The following MAPKAPK5 variants were observed in gnomAD, a reference collection of about 807,000 sequenced individuals.
MAPKAPK5 encodes the protein MAP kinase-activated protein kinase 5.
MAPKAPK5 carries 30 observed loss-of-function variants against 65.1 expected under a neutral mutation model. The ratio of observed to expected loss-of-function variants is 0.46; its 90% CI spans 0.34 to 0.63. MAPKAPK5 has a LOEUF of 0.63. MAPKAPK5 is among the 20% of genes least tolerant of loss of function. MAPKAPK5 has a pLI of 0.01. For synonymous variants in MAPKAPK5, 179 were observed against 204.6 expected, an observed-to-expected ratio of 0.87 and a Z score of 1.07; for missense variants, 433 against 581.4, an observed-to-expected ratio of 0.74 and a Z score of 2.63.
chr12:111,859,414 G>A (rs1340956473), intron 1 of MAPKAPK5, among the ~76,000 whole-genome samples: 2 of 151,598 alleles, frequency 1.3e-5, no homozygotes, highest in African/African-American at 4.8e-5. Context: ...GAGTAGCTGG[G>A]ATTACAGGCA....
intron 1 of MAPKAPK5, among the ~76,000 whole-genome samples, chr12:111,863,650 A>C (rs1427272347): frequency 7.0e-6 from 1 of 142,848 alleles, no homozygotes; most frequent in African/African-American, 2.6e-5. Context: ...CTTGTCGCCC[A>C]TGCTGGAGTG....
chr12:111,850,660 G>A lies in MAPKAPK5; in HGVS notation c.36+7891G>A, dbSNP rs11066049. 0.042 allele frequency among the ~76,000 whole-genome samples: 6,424 copies of A among 152,200 alleles called. 1,227 individuals are homozygous for A. The East Asian group carries it at 0.61, about 15-fold the overall frequency. On this transcript the variant is annotated intron_variant, in intron 1 of 13. Coordinates refer to ENST00000550735, the MANE Select transcript of MAPKAPK5 (RefSeq NM_003668.4). Reference sequence around the variant, plus strand: ...TTTTTAATGCAGACAAAAATGCCCTGTTCTGGGGAAAACAATGCCACAAAG... The same window carrying A: ...TTTTTAATGCAGACAAAAATGCCCTATTCTGGGGAAAACAATGCCACAAAG...
At chr12:111,880,416 A>C (rs1226802371) in intron 7 of MAPKAPK5, 31 bp from the exon 8 acceptor site, 26 of 1,578,386 alleles carry the variant, frequency 1.6e-5, no homozygotes, top group Non-Finnish European at 2.0e-5. Flanking sequence ...GATTTTCATT[A>C]AATGGTCCCC....
rs144699203 is a variant in MAPKAPK5 at position 111,872,412 on chromosome 12, T to C, written c.579+1232T>C. ...TGTACATGTGTATTGGCCATTCTGT[T>C]GTAAGTATGGGCATTCATCTTTTGC... On this transcript the variant is annotated intron_variant, in intron 7 of 13. Coordinates refer to ENST00000550735, the MANE Select transcript of MAPKAPK5 (RefSeq NM_003668.4). Among the ~76,000 whole-genome samples, 788 of 152,290 alleles carry C rather than the reference T, an allele frequency of 5.2e-3. 10 individuals carry two copies. The highest frequency in any genetic ancestry group is 0.028 in the South Asian group (135 of 4,820).
In MAPKAPK5 at chr12:111,848,369, A is replaced by G. The variant is rs999125134; in HGVS notation, c.36+5600A>G. ...CTTTTTGTGTGCAGATTTGACATTC[A>G]TGTTTCTTTTCTGGTGAAGGGTCTG... On this transcript the variant is annotated intron_variant, in intron 1 of 13. Transcript: ENST00000550735. Among the ~76,000 whole-genome samples, 13 of 147,030 alleles carry G rather than the reference A, an allele frequency of 8.8e-5. No homozygotes were observed. In the East Asian group the frequency reaches 2.4e-3, roughly 27 times the overall value.
intron 7 of MAPKAPK5, among the ~76,000 whole-genome samples, chr12:111,874,757 C>G (rs1267702269): frequency 1.4e-5 from 2 of 147,252 alleles, no homozygotes; most frequent in Non-Finnish European, 3.0e-5. Context: ...GCCACTGCCC[C>G]CAGCCATACT....
chr12:111,878,540 C>T (rs956065284), intron 7 of MAPKAPK5, among the ~76,000 whole-genome samples: 4 of 152,038 alleles, frequency 2.6e-5, no homozygotes, highest in Admixed American at 2.0e-4. Context: ...CTGCCTCAGC[C>T]TCCCGAGTAG....
At position 111,900,267 on chromosome 12, in the gene MAPKAPK5, G is replaced by A. The variant is rs897285670; in HGVS notation, c.*7206G>A. 6.6e-6 allele frequency: 3 copies of A among 455,924 alleles called. No individual in the cohort carries two copies. Among genetic ancestry groups the A allele is most frequent in the African/African-American group, 2.0e-5 (1 of 50,060 alleles). 28.2% of individuals were successfully genotyped at this position (455,924 alleles called of 1,614,324 possible). On this transcript the variant is annotated 3_prime_UTR_variant, in exon 14 of 14. Coordinates refer to ENST00000550735, the MANE Select transcript of MAPKAPK5 (RefSeq NM_003668.4). ...TCACCCTGGACAGAATATGGGCCAG[G>A]CCTTTCTCAGTGGTGCCTGCTCAAG...
Position 111,871,141 on chromosome 12 carries a change from G to A in MAPKAPK5, c.540G>A (p.Leu180=), listed in dbSNP as rs1342000459. 2 of 1,613,630 alleles carry A rather than the reference G, an allele frequency of 1.2e-6. No homozygotes were observed. Among genetic ancestry groups the A allele is most frequent in the African/African-American group, 1.3e-5 (1 of 74,816 alleles). Residue 180 remains leucine (L), a synonymous_variant, in exon 7 of 14, where the codon TTG becomes TTA. Coordinates refer to ENST00000550735, the MANE Select transcript of MAPKAPK5 (RefSeq NM_003668.4). ...TTGCCAAGATTGACCAAGGTGACTTGATGACACCCCAGTTCACCCCTTATT... is the reference window on the plus strand; with the variant it reads ...TTGCCAAGATTGACCAAGGTGACTTAATGACACCCCAGTTCACCCCTTATT... ...FGFAKIDQGD[L]MTPQFTPYYV...
chr12:111,888,746 T>A, intron 11 of MAPKAPK5, 128 bp downstream of exon 11: 1 of 1,509,014 alleles, frequency 6.6e-7, no homozygotes, highest in Non-Finnish European at 8.9e-7. Flanking sequence ...AGAGGATAAG[T>A]TCTTTAAATA....
intron 3 of MAPKAPK5, among the ~76,000 whole-genome samples, chr12:111,866,828 C>T (rs1188734801): frequency 1.3e-5 from 2 of 152,216 alleles, no homozygotes; most frequent in African/African-American, 2.4e-5. Flanking sequence ...CCTTGAACTC[C>T]TGACCTCAGG....
chr12:111,846,374 C>CT (rs1566217824), intron 1 of MAPKAPK5, among the ~76,000 whole-genome samples: 1 of 152,194 alleles, frequency 6.6e-6, no homozygotes, highest in Non-Finnish European at 1.5e-5. Context: ...GTTGATTGGA[C>CT]TTTAAGATCT....
rs1236697295 is a variant in MAPKAPK5 at position 111,899,729 on chromosome 12, T to A, written c.*6668T>A. ...AAGGCTACATAGAAGGAGTGTCAGG[T>A]TCTTTTGTTTCTGTCAACATCTGTG... On this transcript the variant is annotated 3_prime_UTR_variant, in exon 14 of 14. Transcript: ENST00000550735. 3 of 326,740 alleles carry A rather than the reference T, an allele frequency of 9.2e-6. No individual in the cohort carries two copies. The East Asian group carries it at 2.3e-4, about 25-fold the overall frequency. 20.2% of individuals were successfully genotyped at this position (326,740 alleles called of 1,614,324 possible).
chr12:111,842,739 G>C lies in MAPKAPK5; in HGVS notation c.6G>C (p.Ser2=). Residue 2 remains serine, a synonymous_variant, in exon 1 of 14, where the codon TCG becomes TCC. Transcript: ENST00000550735. M[S]EESDMDKAIK... ...CTGTGGGGGCCCCACTGAGTATGTC[G>C]GAGGAGAGCGACATGGACAAAGCCA... The C allele has an allele frequency of 2.2e-6, 3 of 1,359,332 alleles. No homozygotes were observed. The highest frequency in any genetic ancestry group is 1.9e-6 in the Non-Finnish European group (2 of 1,049,492). 84.2% of individuals were successfully genotyped at this position (1,359,332 alleles called of 1,614,324 possible).
rs1425073004 is a variant in MAPKAPK5 at position 111,893,584 on chromosome 12, A to C, written c.*523A>C. 2 of 152,346 alleles carry C rather than the reference A, an allele frequency of 1.3e-5. No homozygotes were observed. Among genetic ancestry groups the C allele is most frequent in the Non-Finnish European group, 2.9e-5 (2 of 68,184 alleles). 9.4% of individuals were successfully genotyped at this position (152,346 alleles called of 1,614,324 possible). A position where few individuals can be genotyped will look rare whatever the true frequency, so the allele number is the denominator to read the frequency against. ...CAACTTCCATGATGGAAGAAGAGGG[A>C]GGTGAGCCCTCATTTCTCCTGCCCC... On this transcript the variant is annotated 3_prime_UTR_variant, in exon 14 of 14. Coordinates refer to ENST00000550735, the MANE Select transcript of MAPKAPK5 (RefSeq NM_003668.4).
Position 111,898,244 on chromosome 12 carries a change from C to T in MAPKAPK5, c.*5183C>T, listed in dbSNP as rs1415677680. On this transcript the variant is annotated 3_prime_UTR_variant, in exon 14 of 14. Coordinates refer to ENST00000550735, the MANE Select transcript of MAPKAPK5 (RefSeq NM_003668.4). ...AGTGCAATGGTGTGATCTCGGCTTA[C>T]TGCAACCTACGCCTCCTGGGTTCAA... is the stretch of plus-strand genomic sequence containing the variant. 1.3e-5 allele frequency: 2 copies of T among 151,224 alleles called. No individual in the cohort carries two copies. The highest frequency in any genetic ancestry group is 3.9e-4 in the East Asian group (2 of 5,130). The allele number at this position is 151,224 out of a possible 1,614,324, so 9.4% of individuals were successfully genotyped here.
At chr12:111,864,273 T>C (rs1331047890) in intron 1 of MAPKAPK5, among the ~76,000 whole-genome samples, 9 of 151,788 alleles carry the variant, frequency 5.9e-5, no homozygotes, top group African/African-American at 2.2e-4. Context: ...TCTTCTCGGC[T>C]CACTGCAGTC....
chr12:111,855,533 A>T (rs1381538962), intron 1 of MAPKAPK5, among the ~76,000 whole-genome samples: 9 of 152,150 alleles, frequency 5.9e-5, no homozygotes. Context: ...GGTTATTTAT[A>T]AGTGTGTTGT....
At chr12:111,880,192 G>A (rs2070146864) in intron 7 of MAPKAPK5, 2 of 485,880 alleles carry the variant, frequency 4.1e-6, no homozygotes. Flanking sequence ...TTCCTTGATG[G>A]GCAGGAAGAA....
Sources: gnomAD v4.1 joint callset for allele counts (sites outside exome capture counted in the v4.1 genomes callset) on GRCh38, gnomAD v4.1.1 for gene constraint, MANE v1.5 for transcripts, NCBI Gene and HGNC (gene_info 2026-07-23, HGNC 2026-07-21) for gene names.